Variants in PTPN22 observed in about 807,000 individuals in gnomAD.
PTPN22 encodes tyrosine-protein phosphatase non-receptor type 22.
PTPN22 carries 85 observed loss-of-function variants against 103.3 expected under a neutral mutation model. That is an observed-to-expected ratio of 0.82 (90% CI 0.69 to 0.99). The LOEUF is 0.99. PTPN22 is among the 50% of genes least tolerant of loss of function. PTPN22 has a pLI of 0.00. For missense variants in PTPN22, 865 were observed against 936.9 expected (o/e 0.92, Z 1.00); for synonymous variants, 323 against 310.2 (o/e 1.04, Z -0.43).
intron 10 of PTPN22, among the ~76,000 whole-genome samples, chr1:113,850,263 AGG>A (rs1363566768): frequency 3.2e-4 from 48 of 151,006 alleles, no homozygotes; most frequent in African/African-American, 1.1e-3. Flanking sequence ...GAAGGAAGGA[AGG>A]AAGGAAGGAA....
chr1:113,862,787 T>C (rs909103076), intron 1 of PTPN22, among the ~76,000 whole-genome samples: 2 of 152,092 alleles, frequency 1.3e-5, no homozygotes, highest in Non-Finnish European at 2.9e-5. Flanking sequence ...TAGGTCAGTA[T>C]TATACCAAGC....
intron 14 of PTPN22, 91 bp from the exon 15 acceptor site, chr1:113,834,530 A>G (rs1571371908): frequency 5.3e-6 from 7 of 1,312,540 alleles, no homozygotes; most frequent in East Asian, 2.3e-5. Flanking sequence ...AAACATTGAA[A>G]GGACCTGAGA....
chr1:113,858,649 T>C, intron 3 of PTPN22, 76 bp from the exon 4 acceptor site: 1 of 1,004,568 alleles, frequency 1.0e-6, no homozygotes, highest in South Asian at 1.6e-5. Context: ...CTTCCTTTTT[T>C]TTTTTTTTTT....
chr1:113,819,522 G>A (rs1318705603), intron 20 of PTPN22, 55 bp downstream of exon 20: 2 of 1,350,552 alleles, frequency 1.5e-6, no homozygotes, highest in East Asian at 2.3e-5. Context: ...CAGTTATACT[G>A]TAAATGAGTA....
intron 11 of PTPN22, 37 bp downstream of exon 11, chr1:113,848,503 A>T: frequency 6.2e-7 from 1 of 1,608,454 alleles, no homozygotes; most frequent in African/African-American, 1.3e-5. Context: ...AGCAAGTATG[A>T]AAATTTTTTT....
intron 1 of PTPN22, among the ~76,000 whole-genome samples, chr1:113,861,530 G>A (rs1199878883): frequency 6.6e-6 from 1 of 151,906 alleles, no homozygotes; most frequent in Non-Finnish European, 1.5e-5. Context: ...GTGAGCCACC[G>A]CGCCCGGCCA....
At chr1:113,861,573 T>G (rs1665602877) in intron 1 of PTPN22, among the ~76,000 whole-genome samples, 1 of 150,930 alleles carries the variant, frequency 6.6e-6, no homozygotes, top group Non-Finnish European at 1.5e-5. Context: ...GAGACAGGGT[T>G]TCGCCATGTT....
intron 18 of PTPN22, among the ~76,000 whole-genome samples, chr1:113,828,176 AT>A (rs71578792): frequency 0.24 from 36,570 of 151,818 alleles, 5,151 homozygotes; most frequent in South Asian, 0.4. Context: ...CCAGTTGCAG[AT>A]TTTTTTTCCT....
At chr1:113,818,272 C>A (rs1661321612) in intron 20 of PTPN22, among the ~76,000 whole-genome samples, 1 of 152,000 alleles carries the variant, frequency 6.6e-6, no homozygotes, top group Non-Finnish European at 1.5e-5. Flanking sequence ...TCAAGCGATT[C>A]TCCTGCCTCT....
At chr1:113,870,529 T>C (rs1666490918) in intron 1 of PTPN22, among the ~76,000 whole-genome samples, 1 of 152,184 alleles carries the variant, frequency 6.6e-6, no homozygotes, top group Admixed American at 6.5e-5. Context: ...CACAGTTCTC[T>C]CAAAGGAGAT....
intron 10 of PTPN22, among the ~76,000 whole-genome samples, chr1:113,851,703 T>C (rs1280377941): frequency 6.6e-6 from 1 of 152,244 alleles, no homozygotes; most frequent in Non-Finnish European, 1.5e-5. Flanking sequence ...CAAATTAACA[T>C]GACCTAGCTA....
intron 1 of PTPN22, among the ~76,000 whole-genome samples, chr1:113,865,691 G>A (rs917423565): frequency 6.6e-6 from 1 of 152,072 alleles, no homozygotes. Flanking sequence ...TAACATTTTT[G>A]GGGATCTAGC....
exon 12 of PTPN22, chr1:113,838,610 T>C (rs371442374): frequency 1.2e-6 from 2 of 1,613,110 alleles, no homozygotes; most frequent in African/African-American, 2.7e-5. Context: ...AATACAATGC[T>C]TTGCTTGACT....
At chr1:113,823,268 TAGGCTTAGATACTAGCTTA>T (rs1298741342) in intron 19 of PTPN22, 7 of 152,284 alleles carry the variant, frequency 4.6e-5, no homozygotes, top group African/African-American at 1.7e-4. Flanking sequence ...TGAATGACAC[TAGGCTTAGATACTAGCTTA>T]AAATAACAGA....
rs1235656223 is a variant in PTPN22, at chr1:113,838,420, G to T, written c.993-13C>A. 6.5e-5 allele frequency: 102 copies of T among 1,581,054 alleles called. 1 individual carries two copies. In the South Asian group the frequency reaches 1.2e-3, roughly 18 times the overall value. On this transcript the variant is annotated splice_polypyrimidine_tract_variant and intron_variant, in intron 12 of 20. Coordinates refer to ENST00000359785, the Ensembl canonical transcript of PTPN22. ...TGCTTTTGTGGTACTAAAACAAAAAGAAAGCGTAATGATGACACCATACCC... is the reference window on the plus strand; with the variant it reads ...TGCTTTTGTGGTACTAAAACAAAAATAAAGCGTAATGATGACACCATACCC...
chr1:113,855,042 C>T lies in PTPN22; in HGVS notation c.548G>A (p.Arg183Gln), dbSNP rs201429780. The T allele has an allele frequency of 1.7e-5, 28 of 1,608,444 alleles. No individual in the cohort carries two copies. The highest frequency in any genetic ancestry group is 1.0e-4 in the Admixed American group (6 of 59,708). The change falls in exon 8 of 21, where the codon CGA becomes CAA. Residue 183 changes from arginine to glutamine, a missense_variant. By Grantham distance (43) the Arg-to-Gln change is conservative. This residue lies in a region of PTPN22 where 457 missense variants were observed against 529.1 expected (regional missense o/e 0.86). Transcript: ENST00000359785. ...CTTGTAATGAAACTGGTAGATAGTTCGAGTTTCCTATAAAAAGTAGCCAGA... is the reference window on the plus strand; with the variant it reads ...CTTGTAATGAAACTGGTAGATAGTTTGAGTTTCCTATAAAAAGTAGCCAGA...
chr1:113,866,093 T>C (rs1418104037), intron 1 of PTPN22, among the ~76,000 whole-genome samples: 1 of 152,136 alleles, frequency 6.6e-6, no homozygotes, highest in Non-Finnish European at 1.5e-5. Flanking sequence ...TCCTCACCTA[T>C]AAAATGGAAA....
chr1:113,829,494 G>T (rs578071570), intron 18 of PTPN22, 98 bp downstream of exon 18: 3 of 596,646 alleles, frequency 5.0e-6, no homozygotes, highest in Non-Finnish European at 8.6e-6. Context: ...TTTTAATAAA[G>T]ATATTTAATC....
chr1:113,868,922 G>A (rs1398815170), intron 1 of PTPN22, among the ~76,000 whole-genome samples: 2 of 151,134 alleles, frequency 1.3e-5, no homozygotes, highest in East Asian at 1.9e-4. Flanking sequence ...TTTTTAAGCA[G>A]GGAAAAAATG....
Sources: gnomAD v4.1 joint callset for allele counts (sites outside exome capture counted in the v4.1 genomes callset) on GRCh38, gnomAD v4.1.1 for gene constraint, gnomAD v4.1.1 regional missense constraint, MANE v1.5 for transcripts, NCBI Gene and HGNC (gene_info 2026-07-23, HGNC 2026-07-21) for gene names.